ITGA10: variants seen among roughly 807,000 people sequenced by gnomAD.
ITGA10 encodes the protein integrin subunit alpha 10.
ITGA10 carries 105 observed loss-of-function variants against 145.2 expected under a neutral mutation model. The observed-to-expected ratio is 0.72, with a 90% CI of 0.62 to 0.85. ITGA10 has a LOEUF of 0.85. Among genes scored for constraint, ITGA10 ranks in the 40% least tolerant of loss-of-function variants. The probability of loss-of-function intolerance (pLI) is 0.00; values close to 1 mark genes in which losing one functional copy is unlikely to be tolerated. For synonymous variants in ITGA10, 506 were observed against 557.8 expected (o/e 0.91, Z 1.31); for missense variants, 1,317 against 1,444.5 (o/e 0.91, Z 1.43).
At chr1:145,906,259 C>T in intron 5 of ITGA10, 135 bp downstream of exon 5, 1 of 645,096 alleles carries the variant, frequency 1.6e-6, no homozygotes, top group Non-Finnish European at 2.7e-6. Flanking sequence ...AAACATGGAG[C>T]TTTTGCAAGC....
At chr1:145,898,666 C>A (rs1273487817) in intron 17 of ITGA10, among the ~76,000 whole-genome samples, 10 of 152,256 alleles carry the variant, frequency 6.6e-5, no homozygotes, top group African/African-American at 2.4e-4. Flanking sequence ...CTGCGCCCGG[C>A]TAAATTTAAT....
intron 20 of ITGA10, 39 bp from the exon 21 acceptor site, chr1:145,897,378 G>T (rs1553745613): frequency 1.2e-6 from 2 of 1,604,958 alleles, no homozygotes; most frequent in Admixed American, 3.3e-5. Flanking sequence ...TGGAGCTGGG[G>T]CTGCAACTGC....
chr1:145,902,427 T>G (rs1656472074), intron 9 of ITGA10, 27 bp downstream of exon 9: 1 of 1,609,642 alleles, frequency 6.2e-7, no homozygotes, highest in Non-Finnish European at 8.5e-7. Context: ...TCTCCCGCCC[T>G]GTCCATTTCT....
intron 23 of ITGA10, 43 bp downstream of exon 23, chr1:145,896,726 G>T: frequency 6.8e-7 from 1 of 1,476,098 alleles, no homozygotes; most frequent in Non-Finnish European, 9.5e-7. Context: ...AAGGGTATGA[G>T]TCTGAGGTCA....
intron 19 of ITGA10, 58 bp downstream of exon 19, chr1:145,897,757 G>A (rs1168058932): frequency 1.9e-6 from 3 of 1,609,878 alleles, no homozygotes; most frequent in Admixed American, 1.7e-5. Context: ...CCCGCCCTTC[G>A]AGTCCCTTCC....
intron 6 of ITGA10, among the ~76,000 whole-genome samples, chr1:145,904,451 C>G (rs1015015096): frequency 6.6e-6 from 1 of 152,110 alleles, no homozygotes; most frequent in Non-Finnish European, 1.5e-5. Flanking sequence ...CTCACTACAG[C>G]CTCAAACTCC....
Position 145,895,128 on chromosome 1 carries a change from G to C in ITGA10, c.3228+152C>G, listed in dbSNP as rs896216025. On this transcript the variant is annotated intron_variant, in intron 27 of 29. Coordinates refer to ENST00000369304, the MANE Select transcript of ITGA10 (RefSeq NM_003637.5). ...TTCCCATTTTAGAGATTAGGAAAAA[G>C]AGGCTTAGAGAGATGAAATAACTTG... 7 of 561,784 alleles carry C rather than the reference G, an allele frequency of 1.2e-5. No individual in the cohort carries two copies. The African/African-American group carries it at 1.3e-4, about 11-fold the overall frequency. The allele number at this position is 561,784 out of a possible 1,614,324, so 34.8% of individuals were successfully genotyped here.
intron 27 of ITGA10, 119 bp from the exon 28 acceptor site, chr1:145,893,754 C>T: frequency 1.4e-6 from 1 of 713,040 alleles, no homozygotes; most frequent in Non-Finnish European, 2.4e-6. Flanking sequence ...CTCTCAAGAC[C>T]AGAAGAAAAG....
intron 5 of ITGA10, 60 bp downstream of exon 5, chr1:145,906,332 CAT>C: frequency 7.8e-7 from 1 of 1,282,748 alleles, no homozygotes; most frequent in Non-Finnish European, 1.1e-6. Flanking sequence ...CGCTTTGCCC[CAT>C]CTTTTTCCCA....
In ITGA10 at chr1:145,900,183, A is replaced by G; in HGVS notation, c.1796T>C (p.Ile599Thr). The G allele has an allele frequency of 6.2e-7, 1 of 1,612,124 alleles. No homozygotes were observed. Among genetic ancestry groups the G allele is most frequent in the South Asian group, 1.1e-5 (1 of 90,774 alleles). The change falls in exon 15 of 30, where the codon ATT (isoleucine) becomes ACT (threonine). Residue 599 changes from isoleucine (I) to threonine (T), a missense_variant. By Grantham distance (89) the Ile-to-Thr change is moderately conservative. Coordinates refer to ENST00000369304, the MANE Select transcript of ITGA10 (RefSeq NM_003637.5). ...SGVRPHPAQR[I>T]AAASMPHALS... is the part of the protein sequence containing the mutation. ...GGCATGTGGCATGGAGGCAGCAGCA[A>G]TCCTCTGAGAGGAAGAGAGAGAATA...
intron 5 of ITGA10, 82 bp from the exon 6 acceptor site, chr1:145,904,893 T>A: frequency 6.9e-7 from 1 of 1,456,830 alleles, no homozygotes; most frequent in Non-Finnish European, 9.5e-7. Context: ...ACACATTCAA[T>A]TTAGACATTT....
At chr1:145,906,108 T>A (rs994581865) in intron 5 of ITGA10, 6 of 300,784 alleles carry the variant, frequency 2.0e-5, no homozygotes, top group African/African-American at 1.3e-4. Flanking sequence ...TTTTTTTTTT[T>A]AGTAGAGATG....
In ITGA10 at chr1:145,897,091, G is replaced by T. The variant is rs782276641; in HGVS notation, c.2668-4C>A. 1 of 1,612,986 alleles carries T rather than the reference G, an allele frequency of 6.2e-7. No homozygotes were observed. The highest frequency in any genetic ancestry group is 1.1e-5 in the South Asian group (1 of 91,066). The stretch of plus-strand genomic sequence containing the variant: ...CAAACTCTAGCAGAAAGGTCACCTA[G>T]GGGCAGGGGACACAGGGTAATGGTA... On this transcript the variant is annotated splice_region_variant and splice_polypyrimidine_tract_variant and intron_variant, in intron 21 of 29. Coordinates refer to ENST00000369304, the MANE Select transcript of ITGA10 (RefSeq NM_003637.5).
intron 27 of ITGA10, among the ~76,000 whole-genome samples, chr1:145,895,008 A>G (rs1655185083): frequency 6.6e-6 from 1 of 152,220 alleles, no homozygotes; most frequent in Non-Finnish European, 1.5e-5. Flanking sequence ...GGAGGAAAAT[A>G]CAAGGATAAT....
At chr1:145,900,672 C>G (rs1315491783) in intron 14 of ITGA10, 118 bp downstream of exon 14, 2 of 1,057,930 alleles carry the variant, frequency 1.9e-6, no homozygotes, top group African/African-American at 3.2e-5. Flanking sequence ...TTTTTGCCTA[C>G]TAATAAAAGC....
chr1:145,902,617 G>T lies in ITGA10; in HGVS notation c.912C>A (p.Val304=), dbSNP rs782330231. The T allele has an allele frequency of 1.3e-6, 2 of 1,597,588 alleles. No individual in the cohort carries two copies. The highest frequency in any genetic ancestry group is 3.4e-5 in the Admixed American group (2 of 58,212). Residue 304 remains valine, a splice_region_variant and synonymous_variant, in exon 9 of 30, where the codon GTC becomes GTA. Coordinates refer to ENST00000369304, the MANE Select transcript of ITGA10 (RefSeq NM_003637.5). ...AGRVTRYGIA[V]LGHYLRRQRD... is the part of the protein sequence containing the mutation. ...GCTGCCGCCGGAGGTAGTGACCAAGGACCTAAGAGGTCATAAGATCAAGGA... is the reference window on the plus strand; with the variant it reads ...GCTGCCGCCGGAGGTAGTGACCAAGTACCTAAGAGGTCATAAGATCAAGGA...
intron 29 of ITGA10, 48 bp downstream of exon 29, chr1:145,893,113 C>T (rs1654919159): frequency 7.2e-7 from 1 of 1,382,000 alleles, no homozygotes; most frequent in African/African-American, 1.4e-5. Flanking sequence ...AAGGATCCCT[C>T]AACTCATGGG....
In ITGA10 at chr1:145,898,930, C is replaced by G. The variant is rs1320680773; in HGVS notation, c.2232+6G>C. ...TGATGCTAAGCAGTTACTGCCCTCT[C>G]CTTACCAGCACATGGAAGTGTAGCT... is the stretch of plus-strand genomic sequence containing the variant. On this transcript the variant is annotated splice_donor_region_variant and intron_variant, in intron 17 of 29. Coordinates refer to ENST00000369304, the MANE Select transcript of ITGA10 (RefSeq NM_003637.5). 2.5e-6 allele frequency: 4 copies of G among 1,612,650 alleles called. No individual in the cohort carries two copies. The East Asian group carries it at 8.9e-5, about 36-fold the overall frequency.
chr1:145,895,466 A>T, intron 26 of ITGA10, 73 bp from the exon 27 acceptor site: 1 of 1,415,372 alleles, frequency 7.1e-7, no homozygotes, highest in Non-Finnish European at 9.9e-7. Context: ...CCTCTAGTTC[A>T]CACAGTCTTG....
Sources: allele counts gnomAD v4.1 joint callset (sites outside exome capture counted in the v4.1 genomes callset), GRCh38; gene constraint gnomAD v4.1.1; transcripts MANE v1.5; gene names NCBI Gene and HGNC (gene_info 2026-07-23, HGNC 2026-07-21).